NUDT13: variants seen among roughly 807,000 people sequenced by gnomAD.
NUDT13 encodes NAD(P)H pyrophosphatase NUDT13, mitochondrial.
Under a neutral mutation model 41.7 loss-of-function variants are expected in NUDT13, and 40 were observed. That is an observed-to-expected ratio of 0.96 (90% confidence interval 0.75 to 1.25). The LOEUF (loss-of-function observed/expected upper bound fraction) is 1.25. NUDT13 is among the 50% of genes most tolerant of loss of function. The pLI, the probability that NUDT13 is intolerant of heterozygous loss-of-function variation, is 0.00. For missense variants in NUDT13, 390 were observed against 416.1 expected (o/e 0.94, Z 0.55); for synonymous variants, 145 against 155.5 (o/e 0.93, Z 0.50).
intron 6 of NUDT13, 71 bp from the exon 7 acceptor site, chr10:73,125,323 CTTAA>C: frequency 6.2e-7 from 1 of 1,602,534 alleles, no homozygotes; most frequent in Non-Finnish European, 8.5e-7. Context: ...TGTGCAATTC[CTTAA>C]TTATACACTG....
chr10:73,124,998 C>A (rs1564652936), intron 5 of NUDT13, 120 bp from the exon 6 acceptor site: 1 of 1,114,030 alleles, frequency 9.0e-7, no homozygotes, highest in Non-Finnish European at 1.2e-6. Context: ...ATTTAAATTA[C>A]GTGAGCTGTA....
At chr10:73,111,453 A>G (rs961827991) in intron 1 of NUDT13, among the ~76,000 whole-genome samples, 2 of 152,202 alleles carry the variant, frequency 1.3e-5, no homozygotes, top group African/African-American at 2.4e-5. Context: ...GGCTCACTAC[A>G]AGATGGGCTT....
At chr10:73,129,770 G>A (rs2133235283) in intron 8 of NUDT13, among the ~76,000 whole-genome samples, 1 of 151,350 alleles carries the variant, frequency 6.6e-6, no homozygotes, top group Non-Finnish European at 1.5e-5. Flanking sequence ...CTGAGGTCAG[G>A]AGTTCAAAAA....
chr10:73,111,613 T>A (rs902916907), intron 1 of NUDT13, among the ~76,000 whole-genome samples: 1 of 152,248 alleles, frequency 6.6e-6, no homozygotes, highest in Non-Finnish European at 1.5e-5. Flanking sequence ...AGACTGCTAT[T>A]ACCTTTCATC....
chr10:73,112,310 G>A (rs1314971798), intron 1 of NUDT13, among the ~76,000 whole-genome samples: 3 of 151,868 alleles, frequency 2.0e-5, no homozygotes, highest in Non-Finnish European at 4.4e-5. Flanking sequence ...CCGAGATTGC[G>A]CCATTGCACT....
Position 73,126,670 on chromosome 10 carries a change from T to C in NUDT13, c.704-3T>C. On this transcript the variant is annotated splice_region_variant and splice_polypyrimidine_tract_variant and intron_variant, in intron 7 of 8. Transcript: ENST00000357321. ...TGTCCTGAATTAATCTGAGTGCTTG[T>C]AGGTGAAAGTGTGGAAGAGACCATC... The C allele has an allele frequency of 6.2e-7, 1 of 1,613,910 alleles. No individual in the cohort carries two copies. The highest frequency in any genetic ancestry group is 8.5e-7 in the Non-Finnish European group (1 of 1,179,896).
rs1029790261 is a variant in NUDT13, at chr10:73,130,776, G to A, written c.932G>A (p.Arg311Lys). The change falls in exon 9 of 9, where the codon AGA becomes AAA. Residue 311 changes from arginine (R) to lysine (K), a missense_variant. Transcript: ENST00000357321. ...SHDEVATALK[R>K]KGPYTQQQNG... Reference sequence around the variant, plus strand: ...GATGAGGTAGCCACAGCCCTGAAGAGAAAGGGCCCCTATACTCAGCAACAG... The same window carrying A: ...GATGAGGTAGCCACAGCCCTGAAGAAAAAGGGCCCCTATACTCAGCAACAG... The A allele has an allele frequency of 1.2e-5, 19 of 1,613,798 alleles. No homozygotes were observed. Among genetic ancestry groups the A allele is most frequent in the Non-Finnish European group, 1.6e-5 (19 of 1,179,926 alleles).
At chr10:73,112,229 T>C (rs1198459656) in intron 1 of NUDT13, among the ~76,000 whole-genome samples, 5 of 152,126 alleles carry the variant, frequency 3.3e-5, no homozygotes, top group African/African-American at 1.2e-4. Flanking sequence ...GGCGTATGCC[T>C]GTAATCCCAA....
chr10:73,130,254 A>T (rs1842883767), intron 8 of NUDT13: 1 of 151,906 alleles, frequency 6.6e-6, no homozygotes, highest in African/African-American at 2.4e-5. Context: ...CAAGATCAGG[A>T]GATCGAGACC....
intron 2 of NUDT13, chr10:73,115,284 C>T (rs895923691): frequency 1.3e-5 from 2 of 152,114 alleles, no homozygotes; most frequent in Admixed American, 6.5e-5. Flanking sequence ...TCAAGCGATC[C>T]TCCCACCTCA....
Position 73,122,174 on chromosome 10 carries a change from G to A in NUDT13, c.224-1G>A. On this transcript the variant is annotated splice_acceptor_variant, in intron 3 of 8. Transcript: ENST00000357321. LOFTEE classifies it high-confidence loss of function. The stretch of plus-strand genomic sequence containing the variant: ...TCTCCCTTCCCCTTTCTGTTTCTTA[G>A]AGTTGGAAAGGCTCCTGGGTAAATT... The A allele has an allele frequency of 6.2e-7, 1 of 1,611,746 alleles. No individual in the cohort carries two copies.
intron 5 of NUDT13, 56 bp from the exon 6 acceptor site, chr10:73,125,061 TA>T: frequency 6.5e-7 from 1 of 1,549,354 alleles, no homozygotes. Flanking sequence ...CCAGTGCTGT[TA>T]AAGATGAGCC....
At chr10:73,124,713 G>A (rs1300550941) in intron 5 of NUDT13, 2 of 198,976 alleles carry the variant, frequency 1.0e-5, no homozygotes, top group Admixed American at 5.6e-5. Flanking sequence ...TTTTGATTGT[G>A]CATTTAATTT....
rs1316200106 is a variant in NUDT13, at chr10:73,124,150, T to G, written c.359-64T>G. ...GAAACACTATTTTAACAGGATAGAC[T>G]GGAGAGAGGCCCTGAGGCAAAGTTT... On this transcript the variant is annotated intron_variant, in intron 4 of 8. Coordinates refer to ENST00000357321, the MANE Select transcript of NUDT13 (RefSeq NM_015901.6). 60 of 1,105,768 alleles carry G rather than the reference T, an allele frequency of 5.4e-5. No individual in the cohort carries two copies. The South Asian group carries it at 6.5e-4, about 12-fold the overall frequency. 68.5% of individuals were successfully genotyped at this position (1,105,768 alleles called of 1,614,324 possible).
At chr10:73,125,299 T>C in intron 6 of NUDT13, 56 bp downstream of exon 6, 1 of 1,603,552 alleles carries the variant, frequency 6.2e-7, no homozygotes, top group Non-Finnish European at 8.5e-7. Context: ...TGCTTTGTCC[T>C]GGGGAAGGAA....
chr10:73,122,275 G>A lies in NUDT13; in HGVS notation c.324G>A (p.Leu108=), dbSNP rs1842662863. 6.2e-7 allele frequency: 1 copy of A among 1,614,076 alleles called. No individual in the cohort carries two copies. The highest frequency in any genetic ancestry group is 1.3e-5 in the African/African-American group (1 of 75,036). The change falls in exon 4 of 9, where the codon CTG becomes CTA. Residue 108 remains leucine, a synonymous_variant. Transcript: ENST00000357321. ...AGCAGCAGGAAGCATGGTTTGCTCTGGATCTAGGTCTGGATAGCTCCTTTT... is the reference window on the plus strand; with the variant it reads ...AGCAGCAGGAAGCATGGTTTGCTCTAGATCTAGGTCTGGATAGCTCCTTTT... ...CSEQQEAWFA[L]DLGLDSSFSI...
rs1354722786 is a variant in NUDT13, at chr10:73,122,174, G to T, written c.224-1G>T. ...TCTCCCTTCCCCTTTCTGTTTCTTA[G>T]AGTTGGAAAGGCTCCTGGGTAAATT... On this transcript the variant is annotated splice_acceptor_variant, in intron 3 of 8. Transcript: ENST00000357321. LOFTEE classifies it high-confidence loss of function. 52 of 1,611,746 alleles carry T rather than the reference G, an allele frequency of 3.2e-5. No homozygotes were observed. The highest frequency in any genetic ancestry group is 4.4e-5 in the Non-Finnish European group (52 of 1,179,280).
At chr10:73,125,925 AC>A (rs1268117715) in intron 7 of NUDT13, among the ~76,000 whole-genome samples, 1 of 151,974 alleles carries the variant, frequency 6.6e-6, no homozygotes, top group African/African-American at 2.4e-5. Flanking sequence ...GCTTCAAGTG[AC>A]CTACCTGCCT....
At chr10:73,126,440 A>C (rs890726448) in intron 7 of NUDT13, among the ~76,000 whole-genome samples, 1 of 152,200 alleles carries the variant, frequency 6.6e-6, no homozygotes, top group African/African-American at 2.4e-5. Context: ...AGCTGAGTGC[A>C]GTAGTCCCTC....
Sources: gnomAD v4.1 joint callset for allele counts (sites outside exome capture counted in the v4.1 genomes callset) on GRCh38, gnomAD v4.1.1 for gene constraint, MANE v1.5 for transcripts, NCBI Gene and HGNC (gene_info 2026-07-23, HGNC 2026-07-21) for gene names.